DCC: variants seen among roughly 807,000 people sequenced by gnomAD.
The protein encoded by DCC is netrin receptor DCC.
DCC carries 58 observed loss-of-function variants against 172.5 expected under a neutral mutation model. That is an observed-to-expected ratio of 0.34 (90% CI 0.27 to 0.42). The LOEUF is 0.42. DCC is among the 10% of genes least tolerant of loss of function. The probability of loss-of-function intolerance (pLI) is 1.00; values close to 1 mark genes in which losing one functional copy is unlikely to be tolerated. For missense variants in DCC, 1,740 were observed against 1,791.0 expected, an observed-to-expected ratio of 0.97 and a Z score of 0.51; for synonymous variants, 709 against 644.5, an observed-to-expected ratio of 1.10 and a Z score of -1.52.
chr18:52,511,137 T>TGGGCATGGTG, intron 1 of DCC, among the ~76,000 whole-genome samples: 1 of 152,074 alleles, frequency 6.6e-6, no homozygotes, highest in East Asian at 1.9e-4. Flanking sequence ...CAAAATTAGC[T>TGGGCATGGTG]GGGCATGGTG....
At chr18:52,765,652 C>T (rs113182767) in intron 2 of DCC, among the ~76,000 whole-genome samples, 8 of 152,262 alleles carry the variant, frequency 5.3e-5, no homozygotes, top group Admixed American at 1.3e-4. Context: ...GACAAACACG[C>T]CTCCTTCCCT....
At chr18:53,428,350 T>TATAATA (rs1276782235) in intron 21 of DCC, among the ~76,000 whole-genome samples, 12,563 of 50,906 alleles carry the variant, frequency 0.25, 2,619 homozygotes, top group Non-Finnish European at 0.37. Flanking sequence ...TATAATATAA[T>TATAATA]ATATGTTGTA....
intron 13 of DCC, among the ~76,000 whole-genome samples, chr18:53,316,800 T>C (rs2057348871): frequency 6.6e-6 from 1 of 152,342 alleles, no homozygotes; most frequent in East Asian, 1.9e-4. Flanking sequence ...TGATTTTGTA[T>C]CCTGAGACTT....
chr18:53,026,497 G>T (rs965563413), intron 5 of DCC, among the ~76,000 whole-genome samples: 6 of 152,032 alleles, frequency 3.9e-5, no homozygotes, highest in African/African-American at 1.4e-4. Flanking sequence ...AATGTAGTCT[G>T]AATTAATAAC....
intron 27 of DCC, among the ~76,000 whole-genome samples, chr18:53,513,923 G>A (rs2046297509): frequency 6.6e-6 from 1 of 151,004 alleles, no homozygotes; most frequent in Admixed American, 6.6e-5. Flanking sequence ...AAGTCAACAA[G>A]GATACCCAGG....
intron 9 of DCC, among the ~76,000 whole-genome samples, chr18:53,184,811 TG>T (rs1003166899): frequency 2.0e-5 from 3 of 152,180 alleles, no homozygotes; most frequent in Non-Finnish European, 4.4e-5. Context: ...TGGTAGAATA[TG>T]GTTTGGGAAA....
intron 14 of DCC, among the ~76,000 whole-genome samples, chr18:53,333,820 TA>T (rs1472758075): frequency 6.6e-6 from 1 of 152,210 alleles, no homozygotes; most frequent in Non-Finnish European, 1.5e-5. Flanking sequence ...ATACCACATA[TA>T]TGCTGATGGC....
chr18:52,475,968 G>C (rs1989082160), intron 1 of DCC, among the ~76,000 whole-genome samples: 1 of 152,100 alleles, frequency 6.6e-6, no homozygotes, highest in African/African-American at 2.4e-5. Flanking sequence ...AAGAAGATTA[G>C]TTCTTTTCCA....
chr18:53,152,755 C>A (rs770392131), intron 7 of DCC, among the ~76,000 whole-genome samples: 2 of 152,102 alleles, frequency 1.3e-5, no homozygotes, highest in Non-Finnish European at 2.9e-5. Flanking sequence ...TTTATTGAGA[C>A]CTTATTTGAA....
intron 5 of DCC, among the ~76,000 whole-genome samples, chr18:53,026,068 C>T (rs992279342): frequency 5.3e-5 from 8 of 151,898 alleles, no homozygotes; most frequent in Non-Finnish European, 1.0e-4. Context: ...TCATGGGACT[C>T]ATGTGAGTTA....
intron 13 of DCC, among the ~76,000 whole-genome samples, chr18:53,311,495 G>A (rs1382319528): frequency 6.6e-6 from 1 of 152,158 alleles, no homozygotes; most frequent in African/African-American, 2.4e-5. Context: ...ACTAGTTAAG[G>A]AGATGATCCC....
chr18:53,185,710 A>G (rs529289246), intron 9 of DCC, among the ~76,000 whole-genome samples: 39 of 152,292 alleles, frequency 2.6e-4, no homozygotes, highest in Admixed American at 2.4e-3. Flanking sequence ...GTAAACGAGG[A>G]TACAAATGCA....
At chr18:53,063,625 T>C in intron 6 of DCC, 166 bp downstream of exon 6, 1 of 608,766 alleles carries the variant, frequency 1.6e-6, no homozygotes, top group Non-Finnish European at 2.9e-6. Flanking sequence ...CATAAGAATA[T>C]TTGAACTGAG....
intron 2 of DCC, among the ~76,000 whole-genome samples, chr18:52,762,825 A>G (rs1338654943): frequency 6.6e-6 from 1 of 152,190 alleles, no homozygotes; most frequent in African/African-American, 2.4e-5. Context: ...CACAACTTAA[A>G]AAAAAGATGG....
chr18:53,232,181 G>GC (rs1374379257), intron 12 of DCC, among the ~76,000 whole-genome samples: 1 of 151,980 alleles, frequency 6.6e-6, no homozygotes, highest in Non-Finnish European at 1.5e-5. Context: ...TCTGTCAAGG[G>GC]CCCCCCTCCC....
intron 7 of DCC, among the ~76,000 whole-genome samples, chr18:53,126,405 A>G (rs1032494996): frequency 6.6e-6 from 1 of 152,152 alleles, no homozygotes; most frequent in Non-Finnish European, 1.5e-5. Context: ...TGCAAGCTGG[A>G]AAGCACTTTC....
intron 2 of DCC, among the ~76,000 whole-genome samples, chr18:52,772,407 G>C (rs1414244077): frequency 6.6e-6 from 1 of 152,156 alleles, no homozygotes; most frequent in Non-Finnish European, 1.5e-5. Flanking sequence ...CATGGTTTAT[G>C]GCAGAAGTGA....
rs147846637 is a variant in DCC at position 53,368,698 on chromosome 18, G to C, written c.2360-17345G>C. 3.6e-3 allele frequency among the ~76,000 whole-genome samples: 541 copies of C among 152,090 alleles called. 4 individuals carry two copies. The highest frequency in any genetic ancestry group is 0.012 in the African/African-American group (519 of 41,538). Reference sequence around the variant, plus strand: ...CCCAGCACCATTTGTTGAAAAGACTGTCCTTTCTCCATTAAATCGTCTTGA... The same window carrying C: ...CCCAGCACCATTTGTTGAAAAGACTCTCCTTTCTCCATTAAATCGTCTTGA... On this transcript the variant is annotated intron_variant, in intron 15 of 28. Coordinates refer to ENST00000442544, the MANE Select transcript of DCC (RefSeq NM_005215.4).
At chr18:53,517,522 C>T (rs16956872) in intron 27 of DCC, among the ~76,000 whole-genome samples, 5,852 of 151,642 alleles carry the variant, frequency 0.039, 388 homozygotes, top group African/African-American at 0.13. Context: ...CAAGCCCAAG[C>T]AGGTTTAAAA....
Sources: gnomAD v4.1 joint callset for allele counts (sites outside exome capture counted in the v4.1 genomes callset) on GRCh38, gnomAD v4.1.1 for gene constraint, MANE v1.5 for transcripts, NCBI Gene and HGNC (gene_info 2026-07-23, HGNC 2026-07-21) for gene names.